The following NEFM variants were observed in gnomAD, a reference collection of about 807,000 sequenced individuals.
NEFM encodes the protein neurofilament medium polypeptide.
Under a neutral mutation model 48.1 loss-of-function variants are expected in NEFM, and 16 were observed. That is an observed-to-expected ratio of 0.33 (90% CI 0.23 to 0.51). The LOEUF is 0.51. Ranked by LOEUF, NEFM falls within the 20% of genes least tolerant of loss-of-function variation. The pLI is 0.98. For missense variants in NEFM, 1,107 were observed against 1,136.0 expected, an observed-to-expected ratio of 0.97 and a Z score of 0.37; for synonymous variants, 465 against 456.9, an observed-to-expected ratio of 1.02 and a Z score of -0.23.
chr8:24,917,955 A>G lies in NEFM; in HGVS notation c.2100A>G (p.Glu700=). 6.2e-7 allele frequency: 1 copy of G among 1,613,968 alleles called. No homozygotes were observed. The change falls in exon 3 of 3, where the codon GAA becomes GAG. Residue 700 remains glutamate, a synonymous_variant. Transcript: ENST00000221166. ...AKSKAEVGKG[E]QKEEEEKEVK... is the part of the protein sequence containing the mutation. ...CAAAAGCAGAAGTGGGGAAAGGTGA[A>G]CAGAAAGAGGAAGAAGAAAAGGAAG... is the stretch of plus-strand genomic sequence containing the variant.
In NEFM at chr8:24,918,457, G is replaced by T; in HGVS notation, c.2602G>T (p.Gly868Cys). ...VEKITSEGGD[G>C]ATKYITKSVT... ...AAAAATCACCAGTGAGGGGGGAGAT[G>T]GTGCTACCAAATACATCACTAAATC... The change falls in exon 3 of 3, where the codon GGT becomes TGT. Residue 868 changes from glycine to cysteine, a missense_variant. Physicochemically the swap from Gly to Cys is radical, Grantham distance 159. Transcript: ENST00000221166. 6.2e-7 allele frequency: 1 copy of T among 1,614,086 alleles called. No homozygotes were observed. Among genetic ancestry groups the T allele is most frequent in the Non-Finnish European group, 8.5e-7 (1 of 1,180,004 alleles).
At position 24,914,580 on chromosome 8, in the gene NEFM, A is replaced by G; in HGVS notation, c.787A>G (p.Lys263Glu). Residue 263 changes from lysine to glutamate, a missense_variant, in exon 1 of 3, where the codon AAG (lysine) becomes GAG (glutamate). Transcript: ENST00000221166. ...HITVERKDYL[K>E]TDISTALKEI... is the part of the protein sequence containing the mutation. ...CACGGTGGAGCGCAAAGACTACCTG[A>G]AGACAGACATCTCGACGGCGCTGAA... 1 of 1,614,156 alleles carries G rather than the reference A, an allele frequency of 6.2e-7. No homozygotes were observed. Among genetic ancestry groups the G allele is most frequent in the Non-Finnish European group, 8.5e-7 (1 of 1,180,024 alleles).
At position 24,917,938 on chromosome 8, in the gene NEFM, G is replaced by A. The variant is rs1802605095; in HGVS notation, c.2083G>A (p.Glu695Lys). The A allele has an allele frequency of 4.3e-6, 7 of 1,614,170 alleles. No homozygotes were observed. Among genetic ancestry groups the A allele is most frequent in the Non-Finnish European group, 5.9e-6 (7 of 1,180,024 alleles). The change falls in exon 3 of 3, where the codon GAA becomes AAA. Residue 695 changes from glutamate to lysine, a missense_variant. Glu to Lys is a moderately conservative substitution (Grantham distance 56). This residue lies in a region of NEFM where 917 missense variants were observed against 916.4 expected (regional missense o/e 1.00). Transcript: ENST00000221166. ...SPVEEAKSKA[E>K]VGKGEQKEEE... ...AGTGGAAGAGGCAAAGTCAAAAGCA[G>A]AAGTGGGGAAAGGTGAACAGAAAGA...
At chr8:24,915,113 T>C in intron 1 of NEFM, 1 of 1,357,884 alleles carries the variant, frequency 7.4e-7, no homozygotes. Context: ...GAAACGTGCA[T>C]CTTTTCCAGT....
intron 1 of NEFM, 78 bp from the exon 2 acceptor site, chr8:24,915,527 A>G: frequency 6.3e-7 from 1 of 1,595,162 alleles, no homozygotes; most frequent in Non-Finnish European, 8.6e-7. Context: ...GGCCAGGGGG[A>G]AGGGGTAGCA....
At position 24,918,817 on chromosome 8, in the gene NEFM, T is replaced by G; in HGVS notation, c.*211T>G. On this transcript the variant is annotated 3_prime_UTR_variant, in exon 3 of 3. Transcript: ENST00000221166. ...TGATATTGTATGTACCTGGGAAATT[T>G]GCCGATTTCCTAAGCTGTTGGAAGG... 1.8e-6 allele frequency: 1 copy of G among 556,392 alleles called. No individual in the cohort carries two copies. Among genetic ancestry groups the G allele is most frequent in the Non-Finnish European group, 3.2e-6 (1 of 311,614 alleles). 34.5% of individuals were successfully genotyped at this position (556,392 alleles called of 1,614,324 possible). A position where few individuals can be genotyped will look rare whatever the true frequency, so the allele number is the denominator to read the frequency against.
In NEFM at chr8:24,913,777, GC is replaced by G; in HGVS notation, c.-13del. ...CGGCAGAACGCTGTGACAGCCACAC[GC>G]CCCAAGGCCTCCAAGATGAGCTACA... On this transcript the variant is annotated 5_prime_UTR_variant, in exon 1 of 3. Transcript: ENST00000221166. The G allele has an allele frequency of 6.3e-7, 1 of 1,599,378 alleles. No homozygotes were observed.
chr8:24,916,738 T>A (rs1350365235), intron 2 of NEFM, among the ~76,000 whole-genome samples: 1 of 152,134 alleles, frequency 6.6e-6, no homozygotes, highest in Non-Finnish European at 1.5e-5. Context: ...ACTAACAAGT[T>A]TTTCAGCATA....
In NEFM at chr8:24,913,778, C is replaced by A. The variant is rs1295026501; in HGVS notation, c.-16C>A. The A allele has an allele frequency of 6.2e-7, 1 of 1,600,704 alleles. No individual in the cohort carries two copies. Among genetic ancestry groups the A allele is most frequent in the Non-Finnish European group, 8.5e-7 (1 of 1,174,456 alleles). ...GGCAGAACGCTGTGACAGCCACACG[C>A]CCCAAGGCCTCCAAGATGAGCTACA... On this transcript the variant is annotated 5_prime_UTR_variant, in exon 1 of 3. Coordinates refer to ENST00000221166, the MANE Select transcript of NEFM (RefSeq NM_005382.2).
intron 2 of NEFM, among the ~76,000 whole-genome samples, 168 bp from the exon 3 acceptor site, chr8:24,916,893 G>A (rs1012011126): frequency 6.6e-6 from 1 of 152,140 alleles, no homozygotes; most frequent in Non-Finnish European, 1.5e-5. Context: ...TGAGTATAAT[G>A]TAATATGCCA....
rs376649994 is a variant in NEFM at position 24,916,803 on chromosome 8, G to A, written c.1206-258G>A. Among the ~76,000 whole-genome samples, 641 of 152,302 alleles carry A rather than the reference G, an allele frequency of 4.2e-3. 1 individual carries two copies. Among genetic ancestry groups the A allele is most frequent in the Non-Finnish European group, 7.3e-3 (496 of 68,022 alleles). On this transcript the variant is annotated intron_variant, in intron 2 of 2. Transcript: ENST00000221166. ...CAGGGCCAAGACTTAGTAGCTGGGT[G>A]TGGTTAGTGGACTATTGGGCAAGGT...
At chr8:24,914,982 T>C (rs1481541611) in intron 1 of NEFM, 109 bp downstream of exon 1, 27 of 1,421,530 alleles carry the variant, frequency 1.9e-5, no homozygotes, top group Non-Finnish European at 2.3e-5. Flanking sequence ...TGGTGGCCGC[T>C]CGCTAGAGCA....
Position 24,913,821 on chromosome 8 carries a change from A to C in NEFM, c.28A>C (p.Asn10His). MSYTLDSLG[N>H]PSAYRRVTET... is the part of the protein sequence containing the mutation. ...GAGCTACACGTTGGACTCGCTGGGC[A>C]ACCCGTCCGCCTACCGGCGGGTAAC... The change falls in exon 1 of 3, where the codon AAC (asparagine) becomes CAC (histidine). Residue 10 changes from asparagine to histidine, a missense_variant. Coordinates refer to ENST00000221166, the MANE Select transcript of NEFM (RefSeq NM_005382.2). 3 of 1,610,784 alleles carry C rather than the reference A, an allele frequency of 1.9e-6. No individual in the cohort carries two copies. Among genetic ancestry groups the C allele is most frequent in the Non-Finnish European group, 2.5e-6 (3 of 1,179,182 alleles).
At position 24,914,372 on chromosome 8, in the gene NEFM, G is replaced by A; in HGVS notation, c.579G>A (p.Ala193=). The change falls in exon 1 of 3, where the codon GCG becomes GCA. Residue 193 remains alanine (A), a synonymous_variant. Coordinates refer to ENST00000221166, the MANE Select transcript of NEFM (RefSeq NM_005382.2). ...HRLKERFEEE[A]RLRDDTEAAI... ...TCAAGGAGCGCTTTGAGGAGGAGGCGCGGTTGCGCGACGACACTGAGGCGG... is the reference window on the plus strand; with the variant it reads ...TCAAGGAGCGCTTTGAGGAGGAGGCACGGTTGCGCGACGACACTGAGGCGG... 6.2e-7 allele frequency: 1 copy of A among 1,613,632 alleles called. No homozygotes were observed. Among genetic ancestry groups the A allele is most frequent in the African/African-American group, 1.3e-5 (1 of 75,072 alleles).
At position 24,917,519 on chromosome 8, in the gene NEFM, A is replaced by C; in HGVS notation, c.1664A>C (p.Lys555Thr). Residue 555 changes from lysine to threonine, a missense_variant, in exon 3 of 3, where the codon AAG becomes ACG. Around this residue, in one of 3 missense-constraint regions of NEFM, gnomAD observed 917 missense variants for 916.4 expected, o/e 1.00. Transcript: ENST00000221166. ...CAAGCCGAAGAGGGAGGATCCGAGA[A>C]GGAAGGCTCTAGTGAAAAAGAGGAA... ...SDQAEEGGSEKEGSSEKEEGE... is the reference protein window; with the variant it reads ...SDQAEEGGSETEGSSEKEEGE... The C allele has an allele frequency of 6.4e-7, 1 of 1,556,344 alleles. No individual in the cohort carries two copies. The highest frequency in any genetic ancestry group is 8.7e-7 in the Non-Finnish European group (1 of 1,149,474).
chr8:24,917,214 C>T lies in NEFM; in HGVS notation c.1359C>T (p.Val453=), dbSNP rs138095996. 3.2e-5 allele frequency: 51 copies of T among 1,613,700 alleles called. No individual in the cohort carries two copies. Among genetic ancestry groups the T allele is most frequent in the African/African-American group, 6.7e-5 (5 of 74,754 alleles). The change falls in exon 3 of 3, where the codon GTC becomes GTT. Residue 453 remains valine, a synonymous_variant. Transcript: ENST00000221166. Reference sequence around the variant, plus strand: ...AGCTTAAGGTCCAACACAAATTTGTCGAGGAGATCATAGAGGAAACCAAAG... The same window carrying T: ...AGCTTAAGGTCCAACACAAATTTGTTGAGGAGATCATAGAGGAAACCAAAG... The part of the protein sequence containing the change: ...APKLKVQHKF[V]EEIIEETKVE...
chr8:24,917,161 A>C lies in NEFM; in HGVS notation c.1306A>C (p.Ile436Leu). 1 of 1,614,144 alleles carries C rather than the reference A, an allele frequency of 6.2e-7. No homozygotes were observed. Among genetic ancestry groups the C allele is most frequent in the Non-Finnish European group, 8.5e-7 (1 of 1,180,018 alleles). The change falls in exon 3 of 3, where the codon ATT becomes CTT. Residue 436 changes from isoleucine to leucine, a missense_variant. By Grantham distance (5) the Ile-to-Leu change is conservative (BLOSUM62 2). Transcript: ENST00000221166. ...ACCCCCAATCACAATATCCAGTAAG[A>C]TTCAGAAACCCAAGGTGGAAGCTCC... ...HRPPITISSKIQKPKVEAPKL... is the reference protein window; with the variant it reads ...HRPPITISSKLQKPKVEAPKL...
At chr8:24,915,086 G>T in intron 1 of NEFM, 8 of 1,368,792 alleles carry the variant, frequency 5.8e-6, no homozygotes, top group Non-Finnish European at 7.5e-6. Flanking sequence ...AGCTGCTAAG[G>T]GTCTTGACCT....
At position 24,918,348 on chromosome 8, in the gene NEFM, C is replaced by T; in HGVS notation, c.2493C>T (p.Thr831=). 1 of 1,613,968 alleles carries T rather than the reference C, an allele frequency of 6.2e-7. No homozygotes were observed. The highest frequency in any genetic ancestry group is 2.2e-5 in the East Asian group (1 of 44,870). ...SGREEEKGVV[T]NGLDLSPADE... ...GGGAAGAGGAGAAAGGCGTTGTCAC[C>T]AATGGCCTAGACTTGAGCCCAGCAG... Residue 831 remains threonine, a synonymous_variant, in exon 3 of 3, where the codon ACC becomes ACT. Transcript: ENST00000221166.
Sources: allele counts gnomAD v4.1 joint callset (sites outside exome capture counted in the v4.1 genomes callset), GRCh38; gene constraint gnomAD v4.1.1; regional missense constraint gnomAD v4.1.1; transcripts MANE v1.5; gene names NCBI Gene and HGNC (gene_info 2026-07-23, HGNC 2026-07-21).